Variants in CELSR1 observed in about 807,000 individuals in gnomAD.
CELSR1 encodes the protein cadherin EGF LAG seven-pass G-type receptor 1.
CELSR1 carries 110 observed loss-of-function variants against 249.1 expected under a neutral mutation model. The observed-to-expected ratio is 0.44, with a 90% CI of 0.38 to 0.52. CELSR1 has a LOEUF of 0.52. CELSR1 is among the 20% of genes least tolerant of loss of function. The pLI is 0.00. For missense variants in CELSR1, 4,109 were observed against 4,296.4 expected, an observed-to-expected ratio of 0.96 and a Z score of 1.22; for synonymous variants, 2,113 against 1,900.0, an observed-to-expected ratio of 1.11 and a Z score of -2.92.
chr22:46,372,737 C>T (rs1602034300), intron 25 of CELSR1, 146 bp downstream of exon 25: 1 of 990,038 alleles, frequency 1.0e-6, no homozygotes, highest in East Asian at 2.6e-5. Context: ...CATGCACTCG[C>T]AGTGTGCAGG....
chr22:46,468,464 C>T lies in CELSR1; in HGVS notation c.3545-4119G>A, dbSNP rs1472232124. Among the ~76,000 whole-genome samples the T allele has an allele frequency of 6.6e-6, 1 of 152,068 alleles. No homozygotes were observed. The highest frequency in any genetic ancestry group is 2.4e-5 in the African/African-American group (1 of 41,390). On this transcript the variant is annotated intron_variant, in intron 1 of 34. Coordinates refer to ENST00000674500, the MANE Select transcript of CELSR1 (RefSeq NM_001378328.1). This position sits in a 1 kb window ranked among gnomAD's most constrained non-coding sequence, Gnocchi z 4.5. ...AAAAGGGAGGAAATTCTGACACACG[C>T]TACAACATGGATGTACCTTGAGGAC...
rs2080298089 is a variant in CELSR1 at position 46,484,735 on chromosome 22, G to C, written c.3545-20390C>G. 7.1e-6 allele frequency among the ~76,000 whole-genome samples: 1 copy of C among 140,768 alleles called. No individual in the cohort carries two copies. Among genetic ancestry groups the C allele is most frequent in the Non-Finnish European group, 1.5e-5 (1 of 65,426 alleles). The allele number at this position is 140,768 out of a possible 152,430, so 92.3% of individuals were successfully genotyped here. A position where few individuals can be genotyped will look rare whatever the true frequency, so the allele number is the denominator to read the frequency against. The stretch of plus-strand genomic sequence containing the variant: ...CTCACAGGGACCCCGCCCAGGTGCT[G>C]GGGAGGTCCGGCTGCTGCCTGAGGT... On this transcript the variant is annotated intron_variant, in intron 1 of 34. Transcript: ENST00000674500. This position sits in a 1 kb window ranked among gnomAD's most constrained non-coding sequence, Gnocchi z 4.5.
intron 1 of CELSR1, among the ~76,000 whole-genome samples, chr22:46,475,595 A>G (rs887051963): frequency 6.6e-6 from 1 of 151,332 alleles, no homozygotes; most frequent in East Asian, 2.0e-4. Flanking sequence ...TGAACTGCAC[A>G]CTTAAAAATG....
At chr22:46,481,713 C>A (rs967804067) in intron 1 of CELSR1, 5 of 545,618 alleles carry the variant, frequency 9.2e-6, no homozygotes, top group Non-Finnish European at 1.7e-5. Flanking sequence ...CCACCACCTC[C>A]TGCACCCGCA....
rs199921594 is a variant in CELSR1, at chr22:46,365,325, G to A, written c.8460C>T (p.Tyr2820=). 4.0e-5 allele frequency: 64 copies of A among 1,612,950 alleles called. No homozygotes were observed. Among genetic ancestry groups the A allele is most frequent in the Admixed American group, 2.3e-4 (14 of 60,024 alleles). Residue 2820 remains tyrosine (Y), a synonymous_variant, in exon 32 of 35, where the codon TAC becomes TAT. Coordinates refer to ENST00000674500, the MANE Select transcript of CELSR1 (RefSeq NM_001378328.1). Reference sequence around the variant, plus strand: ...CGCTGTCTGACGAGTGTGAGGAGGCGTAAGAGCTGCTCTGCTCATCCAGGG... The same window carrying A: ...CGCTGTCTGACGAGTGTGAGGAGGCATAAGAGCTGCTCTGCTCATCCAGGG... ...ELSLDEQSSS[Y]ASSHSSDSED... is the part of the protein sequence containing the mutation.
intron 22 of CELSR1, 105 bp from the exon 23 acceptor site, chr22:46,378,822 G>A: frequency 7.0e-7 from 1 of 1,436,468 alleles, no homozygotes; most frequent in Non-Finnish European, 9.3e-7. Flanking sequence ...GGCCATCCTG[G>A]CCAAACCAAA....
chr22:46,438,383 G>A (rs553092659), intron 3 of CELSR1, among the ~76,000 whole-genome samples: 27 of 152,306 alleles, frequency 1.8e-4, no homozygotes, highest in African/African-American at 6.5e-4. Flanking sequence ...CCTCACAGCG[G>A]CTCTCAGAGG....
intron 29 of CELSR1, among the ~76,000 whole-genome samples, 163 bp from the exon 30 acceptor site, chr22:46,366,643 A>G (rs1212972362): frequency 6.6e-6 from 1 of 152,122 alleles, no homozygotes; most frequent in East Asian, 1.9e-4. Flanking sequence ...CCCTCACTGC[A>G]AACGAGAGCC....
At chr22:46,424,210 G>A (rs2079512227) in intron 5 of CELSR1, among the ~76,000 whole-genome samples, 1 of 149,866 alleles carries the variant, frequency 6.7e-6, no homozygotes, top group African/African-American at 2.4e-5. Flanking sequence ...GGGACCATAG[G>A]CACATGCACC....
At chr22:46,375,633 T>TC (rs764808039) in intron 24 of CELSR1, among the ~76,000 whole-genome samples, 43 of 145,098 alleles carry the variant, frequency 3.0e-4, no homozygotes, top group Non-Finnish European at 5.1e-4. Context: ...AACCTCTGCC[T>TC]CCCGGGTTCA....
rs1444988154 is a variant in CELSR1, at chr22:46,506,377, G to C, written c.3544+27250C>G. On this transcript the variant is annotated intron_variant, in intron 1 of 34. Coordinates refer to ENST00000674500, the MANE Select transcript of CELSR1 (RefSeq NM_001378328.1). This position sits in a 1 kb window ranked among gnomAD's most constrained non-coding sequence, Gnocchi z 4.1. Reference sequence around the variant, plus strand: ...TGGGGAGGCCCCACCTCCCTCCTCAGACTTACTGAGCCCCTCAGTTTCCCA... The same window carrying C: ...TGGGGAGGCCCCACCTCCCTCCTCACACTTACTGAGCCCCTCAGTTTCCCA... 6.6e-6 allele frequency among the ~76,000 whole-genome samples: 1 copy of C among 152,122 alleles called. No individual in the cohort carries two copies. Among genetic ancestry groups the C allele is most frequent in the Non-Finnish European group, 1.5e-5 (1 of 68,014 alleles).
At position 46,434,028 on chromosome 22, in the gene CELSR1, T is replaced by C. The variant is rs991811631; in HGVS notation, c.4523-547A>G. ...AAAAAATATAAACACGGAAAACCCATCTGTCTGTACCAGCAGCAGTCACAC... is the reference window on the plus strand; with the variant it reads ...AAAAAATATAAACACGGAAAACCCACCTGTCTGTACCAGCAGCAGTCACAC... On this transcript the variant is annotated intron_variant, in intron 4 of 34. Coordinates refer to ENST00000674500, the MANE Select transcript of CELSR1 (RefSeq NM_001378328.1). The surrounding 1 kb of genome is among the most constrained non-coding windows in gnomAD (Gnocchi z 4.9). Among the ~76,000 whole-genome samples, 1 of 152,176 alleles carries C rather than the reference T, an allele frequency of 6.6e-6. No individual in the cohort carries two copies.
chr22:46,457,155 G>A (rs2079965084), intron 2 of CELSR1, among the ~76,000 whole-genome samples: 1 of 152,160 alleles, frequency 6.6e-6, no homozygotes, highest in Non-Finnish European at 1.5e-5. Flanking sequence ...GAACAGCTTG[G>A]CCAACATGGT....
intron 20 of CELSR1, 63 bp downstream of exon 20, chr22:46,384,480 G>T: frequency 6.6e-7 from 1 of 1,513,932 alleles, no homozygotes; most frequent in South Asian, 1.3e-5. Flanking sequence ...CCCGCAGCGG[G>T]GCCCTCCCCT....
intron 32 of CELSR1, among the ~76,000 whole-genome samples, chr22:46,365,022 TC>T (rs1427265786): frequency 6.6e-6 from 1 of 152,168 alleles, no homozygotes; most frequent in Non-Finnish European, 1.5e-5. Flanking sequence ...CCCTGAGAGT[TC>T]CTGCCTCCGC....
chr22:46,371,376 C>T (rs577444151), intron 25 of CELSR1, among the ~76,000 whole-genome samples: 9 of 152,246 alleles, frequency 5.9e-5, no homozygotes, highest in East Asian at 1.9e-4. Context: ...CCTCAGACTG[C>T]GTCTAATCCC....
At chr22:46,487,313 T>G (rs188228737) in intron 1 of CELSR1, among the ~76,000 whole-genome samples, 220 of 151,746 alleles carry the variant, frequency 1.4e-3, no homozygotes, top group Admixed American at 5.2e-3. Flanking sequence ...AAAAACTATT[T>G]GGTATAATAT....
rs893837683 is a variant in CELSR1 at position 46,398,192 on chromosome 22, G to A, written c.5526+332C>T. The stretch of plus-strand genomic sequence containing the variant: ...ACCCCTGGCTCCAGGGGACAGGCAC[G>A]GGGCCCACTTGGGTGACGTCTGTGG... On this transcript the variant is annotated intron_variant, in intron 11 of 34. Transcript: ENST00000674500. The surrounding 1 kb of genome is among the most constrained non-coding windows in gnomAD (Gnocchi z 7.2). 9.2e-5 allele frequency among the ~76,000 whole-genome samples: 14 copies of A among 152,208 alleles called. No individual in the cohort carries two copies. Among genetic ancestry groups the A allele is most frequent in the East Asian group, 3.9e-4 (2 of 5,154 alleles).
Position 46,411,497 on chromosome 22 carries a change from G to T in CELSR1, c.4769+105C>A. 7.5e-7 allele frequency: 1 copy of T among 1,338,556 alleles called. No homozygotes were observed. Among genetic ancestry groups the T allele is most frequent in the Non-Finnish European group, 1.0e-6 (1 of 977,796 alleles). The allele number at this position is 1,338,556 out of a possible 1,614,324, so 82.9% of individuals were successfully genotyped here. On this transcript the variant is annotated intron_variant, in intron 6 of 34. Transcript: ENST00000674500. This position sits in a 1 kb window ranked among gnomAD's most constrained non-coding sequence, Gnocchi z 4.2. ...TCTAGCCTGGAATGAGGTCGCCAGG[G>T]CACTGCACCCAGAGTGCCTACGTGG...
Sources: gnomAD v4.1 joint callset for allele counts (sites outside exome capture counted in the v4.1 genomes callset) on GRCh38, gnomAD v4.1.1 for gene constraint, Gnocchi (gnomAD v3.1) non-coding constraint, MANE v1.5 for transcripts, NCBI Gene and HGNC (gene_info 2026-07-23, HGNC 2026-07-21) for gene names.